NEBL: variants seen among roughly 807,000 people sequenced by gnomAD.
The protein encoded by NEBL is nebulette.
In NEBL, 122 loss-of-function variants were observed where a neutral mutation model predicts 140.2. The observed-to-expected ratio is 0.87, with a 90% CI of 0.75 to 1.01. NEBL has a LOEUF of 1.01. Among genes scored for constraint, NEBL ranks in the 50% least tolerant of loss-of-function variants. The pLI is 0.00. For missense variants in NEBL, 1,365 were observed against 1,231.3 expected, an observed-to-expected ratio of 1.11 and a Z score of -1.62; for synonymous variants, 436 against 398.9, an observed-to-expected ratio of 1.09 and a Z score of -1.11.
intron 1 of NEBL, among the ~76,000 whole-genome samples, chr10:21,276,395 C>A (rs1842925643): frequency 6.6e-6 from 1 of 152,198 alleles, no homozygotes; most frequent in South Asian, 2.1e-4. Context: ...ACCCACCAAC[C>A]CCTAGTGTAG....
At chr10:20,922,517 G>C (rs572125645) in intron 4 of NEBL, among the ~76,000 whole-genome samples, 33 of 152,272 alleles carry the variant, frequency 2.2e-4, no homozygotes, top group African/African-American at 7.7e-4. Flanking sequence ...GAAAAATCTA[G>C]TCTATTCCTT....
intron 3 of NEBL, among the ~76,000 whole-genome samples, chr10:21,202,424 T>C (rs956058627): frequency 2.0e-5 from 3 of 151,796 alleles, no homozygotes; most frequent in African/African-American, 4.8e-5. Flanking sequence ...TTGGACAGAA[T>C]AGAGTTGATT....
At chr10:21,111,467 C>T (rs1055321467) in intron 2 of NEBL, among the ~76,000 whole-genome samples, 3 of 151,978 alleles carry the variant, frequency 2.0e-5, no homozygotes, top group African/African-American at 7.3e-5. Flanking sequence ...CTTTGATAAA[C>T]CTGACAAAAA....
At chr10:21,100,133 C>A (rs1176360910) in intron 2 of NEBL, among the ~76,000 whole-genome samples, 2 of 152,152 alleles carry the variant, frequency 1.3e-5, no homozygotes, top group Admixed American at 6.5e-5. Context: ...GACTGCCCGG[C>A]CATCACATTC....
chr10:20,893,516 A>G (rs1406366033), intron 2 of NEBL, among the ~76,000 whole-genome samples: 2 of 152,158 alleles, frequency 1.3e-5, no homozygotes, highest in African/African-American at 2.4e-5. Flanking sequence ...GTGGGGGGAG[A>G]AAGAGAAAGA....
At chr10:21,039,864 T>A (rs1002609992) in intron 2 of NEBL, among the ~76,000 whole-genome samples, 1 of 152,168 alleles carries the variant, frequency 6.6e-6, no homozygotes, top group Admixed American at 6.6e-5. Context: ...AATCCATAGT[T>A]TGAAAAATAC....
chr10:20,878,510 T>C (rs1428520279), intron 5 of NEBL, among the ~76,000 whole-genome samples: 6 of 152,208 alleles, frequency 3.9e-5, no homozygotes, highest in Non-Finnish European at 8.8e-5. Flanking sequence ...AGATTGTCTT[T>C]TATAGAGATT....
At chr10:21,016,109 T>G (rs929556667) in intron 3 of NEBL, among the ~76,000 whole-genome samples, 1 of 152,260 alleles carries the variant, frequency 6.6e-6, no homozygotes, top group African/African-American at 2.4e-5. Context: ...GCTATTTCTT[T>G]GAAGCAGTTC....
At chr10:21,279,357 G>A (rs546526240) in intron 1 of NEBL, among the ~76,000 whole-genome samples, 1 of 148,856 alleles carries the variant, frequency 6.7e-6, no homozygotes, top group South Asian at 2.1e-4. Context: ...GAGTGCAGTG[G>A]CATGAGTAGC....
At chr10:21,183,981 T>C (rs549348674) in intron 3 of NEBL, among the ~76,000 whole-genome samples, 1 of 152,298 alleles carries the variant, frequency 6.6e-6, no homozygotes, top group South Asian at 2.1e-4. Context: ...GCCTTTCACC[T>C]TCCACCTTCC....
chr10:21,135,011 G>T, intron 2 of NEBL, among the ~76,000 whole-genome samples: 1 of 152,118 alleles, frequency 6.6e-6, no homozygotes, highest in Non-Finnish European at 1.5e-5. Context: ...TTATTCACCC[G>T]CTCCACCCTC....
intron 4 of NEBL, among the ~76,000 whole-genome samples, chr10:20,924,499 G>C (rs911451050): frequency 7.4e-6 from 1 of 135,410 alleles, no homozygotes; most frequent in Non-Finnish European, 1.5e-5. Flanking sequence ...GGAAGAGAAA[G>C]TGCAATACAG....
chr10:21,032,068 T>G (rs1345560419), intron 2 of NEBL, among the ~76,000 whole-genome samples: 5 of 152,196 alleles, frequency 3.3e-5, no homozygotes, highest in Non-Finnish European at 7.3e-5. Flanking sequence ...TTTACAAAAA[T>G]AATCCAAATT....
intron 2 of NEBL, among the ~76,000 whole-genome samples, chr10:21,099,560 T>C (rs567385348): frequency 1.2e-3 from 176 of 152,314 alleles, no homozygotes; most frequent in Non-Finnish European, 1.9e-3. Context: ...TGACTTCCTT[T>C]AGCTCTGAAA....
intron 2 of NEBL, among the ~76,000 whole-genome samples, chr10:21,051,717 G>T (rs1438994101): frequency 6.6e-6 from 1 of 152,142 alleles, no homozygotes; most frequent in Non-Finnish European, 1.5e-5. Flanking sequence ...ACACAGATTG[G>T]CAGGATAATT....
intron 3 of NEBL, among the ~76,000 whole-genome samples, chr10:21,181,154 T>G (rs914540161): frequency 2.0e-5 from 3 of 151,444 alleles, no homozygotes; most frequent in African/African-American, 7.3e-5. Context: ...TCTCAGCTAC[T>G]CGGGAGGCTG....
At chr10:21,117,389 A>G (rs1179870633) in intron 2 of NEBL, among the ~76,000 whole-genome samples, 1 of 152,100 alleles carries the variant, frequency 6.6e-6, no homozygotes, top group Non-Finnish European at 1.5e-5. Flanking sequence ...CCTTGGTTAG[A>G]TCTCTTCTAA....
intron 4 of NEBL, among the ~76,000 whole-genome samples, chr10:20,949,581 T>C (rs942846165): frequency 2.6e-5 from 4 of 152,192 alleles, no homozygotes; most frequent in Non-Finnish European, 5.9e-5. Flanking sequence ...AAAATCGAAA[T>C]AGTAAAAACA....
intron 3 of NEBL, among the ~76,000 whole-genome samples, chr10:21,210,916 C>G (rs557799295): frequency 8.5e-5 from 13 of 152,286 alleles, no homozygotes; most frequent in Non-Finnish European, 1.5e-4. Flanking sequence ...CTATCCTAGC[C>G]AGTAGGAGTT....
Sources: allele counts gnomAD v4.1 joint callset (sites outside exome capture counted in the v4.1 genomes callset), GRCh38; gene constraint gnomAD v4.1.1; transcripts MANE v1.5; gene names NCBI Gene and HGNC (gene_info 2026-07-23, HGNC 2026-07-21).